The following NELL1 variants were observed in gnomAD, a reference collection of about 807,000 sequenced individuals.
The protein encoded by NELL1 is neural EGFL like 1.
NELL1 carries 76 observed loss-of-function variants against 107.4 expected under a neutral mutation model. The ratio of observed to expected loss-of-function variants is 0.71; its 90% confidence interval spans 0.59 to 0.86. The LOEUF is 0.86. NELL1 is among the 40% of genes least tolerant of loss of function. The pLI is 0.00. For synonymous variants in NELL1, 353 were observed against 341.2 expected, an observed-to-expected ratio of 1.03 and a Z score of -0.38; for missense variants, 1,024 against 1,005.5, an observed-to-expected ratio of 1.02 and a Z score of -0.25.
chr11:20,746,968 G>A (rs916737780), intron 2 of NELL1, among the ~76,000 whole-genome samples: 8 of 152,114 alleles, frequency 5.3e-5, no homozygotes, highest in South Asian at 2.1e-4. Flanking sequence ...CTTTGCCCTC[G>A]AAAGGAGAAG....
intron 1 of NELL1, among the ~76,000 whole-genome samples, chr11:20,672,749 T>G (rs1452005135): frequency 6.6e-6 from 1 of 152,202 alleles, no homozygotes; most frequent in Non-Finnish European, 1.5e-5. Flanking sequence ...CTTTCCAGTT[T>G]GTTTTGGTCA....
intron 13 of NELL1, among the ~76,000 whole-genome samples, chr11:21,135,069 T>G (rs994732628): frequency 6.6e-6 from 1 of 152,184 alleles, no homozygotes; most frequent in African/African-American, 2.4e-5. Flanking sequence ...TGTTTTTCAC[T>G]TAATGTTGAA....
chr11:20,899,818 C>T (rs1040152028), intron 5 of NELL1, among the ~76,000 whole-genome samples: 4 of 152,070 alleles, frequency 2.6e-5, no homozygotes, highest in African/African-American at 9.7e-5. Flanking sequence ...CATTTGTTAA[C>T]AACTTTATGC....
At chr11:21,545,993 T>C (rs958959444) in intron 16 of NELL1, among the ~76,000 whole-genome samples, 1 of 151,958 alleles carries the variant, frequency 6.6e-6, no homozygotes, top group East Asian at 2.0e-4. Context: ...AATACTGCCT[T>C]GGGGTTTTCA....
At chr11:21,506,381 G>T (rs1488473625) in intron 15 of NELL1, among the ~76,000 whole-genome samples, 6 of 152,176 alleles carry the variant, frequency 3.9e-5, no homozygotes, top group African/African-American at 1.4e-4. Context: ...TGGTTGTAAT[G>T]ATGTGTTTAT....
At chr11:21,342,840 C>T (rs942946459) in intron 14 of NELL1, among the ~76,000 whole-genome samples, 1 of 152,010 alleles carries the variant, frequency 6.6e-6, no homozygotes, top group Non-Finnish European at 1.5e-5. Flanking sequence ...CATTCAGTAT[C>T]CACTGAACAT....
chr11:21,535,519 G>A (rs1856114184), intron 16 of NELL1, among the ~76,000 whole-genome samples: 1 of 152,112 alleles, frequency 6.6e-6, no homozygotes, highest in African/African-American at 2.4e-5. Flanking sequence ...ATGAATTACA[G>A]AACAATGGCC....
At chr11:21,441,353 G>A (rs1007953261) in intron 15 of NELL1, among the ~76,000 whole-genome samples, 2 of 150,190 alleles carry the variant, frequency 1.3e-5, no homozygotes, top group Non-Finnish European at 1.5e-5. Context: ...GTGTGTGTGT[G>A]TGTGTGTGTG....
At chr11:21,150,924 A>G (rs1329320186) in intron 13 of NELL1, among the ~76,000 whole-genome samples, 1 of 152,128 alleles carries the variant, frequency 6.6e-6, no homozygotes, top group Non-Finnish European at 1.5e-5. Context: ...CAAAGGGGAA[A>G]TAAGCACCTT....
rs544001655 is a variant in NELL1, at chr11:21,229,337, G to A, written c.1432G>A (p.Asp478Asn). Residue 478 changes from aspartate (D) to asparagine (N), a missense_variant, in exon 14 of 20, where the codon GAT becomes AAT. Transcript: ENST00000357134. ...TTCTCTCACCCTGGAAACAGAACAC[G>A]ATGAATGTGGCAGCGGCCAGCACAA... ...RVDDFSCTEH[D>N]ECGSGQHNCD... The A allele has an allele frequency of 1.1e-5, 18 of 1,613,760 alleles. No individual in the cohort carries two copies. In the Admixed American group the frequency reaches 1.8e-4, roughly 16 times the overall value.
intron 16 of NELL1, among the ~76,000 whole-genome samples, chr11:21,557,788 A>G (rs902478878): frequency 6.6e-6 from 1 of 152,008 alleles, no homozygotes; most frequent in Non-Finnish European, 1.5e-5. Context: ...CACTCTAAAG[A>G]CCGAGTTTTG....
At chr11:20,802,941 T>A (rs1405519461) in intron 3 of NELL1, among the ~76,000 whole-genome samples, 1 of 152,218 alleles carries the variant, frequency 6.6e-6, no homozygotes, top group Non-Finnish European at 1.5e-5. Context: ...TGAATGATCT[T>A]TTTAATGTAT....
At chr11:21,302,506 TA>T (rs1849514681) in intron 14 of NELL1, among the ~76,000 whole-genome samples, 1 of 152,012 alleles carries the variant, frequency 6.6e-6, no homozygotes, top group Non-Finnish European at 1.5e-5. Flanking sequence ...AAATTAAACT[TA>T]AAAAAGAATC....
chr11:21,187,181 T>C (rs185720329), intron 13 of NELL1, among the ~76,000 whole-genome samples: 4 of 151,814 alleles, frequency 2.6e-5, no homozygotes, highest in Admixed American at 2.0e-4. Flanking sequence ...CTGGATCCTA[T>C]TGGGGTTAGT....
At chr11:20,991,062 T>C (rs76802778) in intron 12 of NELL1, among the ~76,000 whole-genome samples, 3,069 of 152,300 alleles carry the variant, frequency 0.02, 110 homozygotes, top group African/African-American at 0.07. Context: ...AGATGGCCTC[T>C]GATTCCTAGG....
At chr11:21,068,316 A>T (rs1853930192) in intron 12 of NELL1, among the ~76,000 whole-genome samples, 1 of 152,132 alleles carries the variant, frequency 6.6e-6, no homozygotes, top group Admixed American at 6.6e-5. Flanking sequence ...TCATCACAAC[A>T]TTCTCTCCAT....
At chr11:20,805,781 C>T (rs575962386) in intron 3 of NELL1, among the ~76,000 whole-genome samples, 248 of 152,328 alleles carry the variant, frequency 1.6e-3, no homozygotes, top group Non-Finnish European at 2.1e-3. Context: ...GGATTACAGG[C>T]GTGAGCCACC....
intron 12 of NELL1, among the ~76,000 whole-genome samples, chr11:20,971,662 A>G (rs1851504033): frequency 6.6e-6 from 1 of 152,176 alleles, no homozygotes; most frequent in Middle Eastern, 3.2e-3. Context: ...TTAGATTTAG[A>G]TTTGGGGTAC....
At chr11:21,398,704 G>C (rs1359226011) in intron 15 of NELL1, among the ~76,000 whole-genome samples, 10 of 151,730 alleles carry the variant, frequency 6.6e-5, no homozygotes, top group Non-Finnish European at 1.5e-4. Flanking sequence ...CAGATGCTCA[G>C]TAAATGGCCT....
Sources: allele counts gnomAD v4.1 joint callset (sites outside exome capture counted in the v4.1 genomes callset), GRCh38; gene constraint gnomAD v4.1.1; transcripts MANE v1.5; gene names NCBI Gene and HGNC (gene_info 2026-07-23, HGNC 2026-07-21).